RNF157: variants seen among roughly 807,000 people sequenced by gnomAD.
The protein encoded by RNF157 is ring finger protein 157.
A neutral mutation model predicts 88.3 loss-of-function variants in RNF157; 55 were observed. That is an observed-to-expected ratio of 0.62 (90% CI 0.50 to 0.78). RNF157 has a LOEUF of 0.78. RNF157 is among the 30% of genes least tolerant of loss of function. The pLI is 0.00. For missense variants in RNF157, 788 were observed against 860.8 expected, an observed-to-expected ratio of 0.92 and a Z score of 1.06; for synonymous variants, 334 against 341.2, an observed-to-expected ratio of 0.98 and a Z score of 0.23.
chr17:76,157,492 C>A lies in RNF157; in HGVS notation c.1413+901G>T, dbSNP rs1415009547. 6.6e-6 allele frequency among the ~76,000 whole-genome samples: 1 copy of A among 152,244 alleles called. No homozygotes were observed. Among genetic ancestry groups the A allele is most frequent in the African/African-American group, 2.4e-5 (1 of 41,470 alleles). ...CTCTTTCTCCATGTCTAAAAAACTTCCAGGTTTAGCTAAAATGCTATTCCT... is the reference window on the plus strand; with the variant it reads ...CTCTTTCTCCATGTCTAAAAAACTTACAGGTTTAGCTAAAATGCTATTCCT... On this transcript the variant is annotated intron_variant, in intron 13 of 18. Transcript: ENST00000269391. The surrounding 1 kb of genome is among the most constrained non-coding windows in gnomAD (Gnocchi z 5.6).
rs369954761 is a variant in RNF157 at position 76,159,302 on chromosome 17, C to T, written c.1304+33G>A. On this transcript the variant is annotated intron_variant, in intron 12 of 18. Transcript: ENST00000269391. ...GGATGAAGCATTTCATCAAGGATTC[C>T]GGGGGCAACAGTGTGGAGCACTGGC... 3.0e-4 allele frequency: 472 copies of T among 1,567,182 alleles called. 1 individual carries two copies. Among genetic ancestry groups the T allele is most frequent in the South Asian group, 1.5e-3 (139 of 89,790 alleles).
chr17:76,232,380 C>G (rs2070208468), intron 1 of RNF157, among the ~76,000 whole-genome samples: 1 of 151,494 alleles, frequency 6.6e-6, no homozygotes, highest in South Asian at 2.1e-4. Context: ...TAGAGCAAGA[C>G]TCTGTCTCTA....
At chr17:76,165,672 T>C in intron 6 of RNF157, 127 bp from the exon 7 acceptor site, 5 of 950,156 alleles carry the variant, frequency 5.3e-6, no homozygotes, top group Non-Finnish European at 6.7e-6. Flanking sequence ...GGGCACGTTA[T>C]ATAACCCATA....
At position 76,146,284 on chromosome 17, in the gene RNF157, C is replaced by G; in HGVS notation, c.1922-931G>C. ...TTTCTCACCCATCAGATGGGACATG[C>G]GTACTGACCTCACGGGCTTGCTGTG... On this transcript the variant is annotated intron_variant, in intron 18 of 18. Coordinates refer to ENST00000269391, the MANE Select transcript of RNF157 (RefSeq NM_052916.3). The surrounding 1 kb of genome is among the most constrained non-coding windows in gnomAD (Gnocchi z 4.2). 1.1e-6 allele frequency: 1 copy of G among 925,208 alleles called. No individual in the cohort carries two copies. Among genetic ancestry groups the G allele is most frequent in the Non-Finnish European group, 1.3e-6 (1 of 774,950 alleles). 57.3% of individuals were successfully genotyped at this position (925,208 alleles called of 1,614,324 possible).
rs903584104 is a variant in RNF157 at position 76,162,482 on chromosome 17, G to A, written c.792+70C>T. ...TCAGAGTTTGGCACGCTAAATTTCTGGACGCTGGCTTACGATTTCTCACTT... is the reference window on the plus strand; with the variant it reads ...TCAGAGTTTGGCACGCTAAATTTCTAGACGCTGGCTTACGATTTCTCACTT... On this transcript the variant is annotated intron_variant, in intron 9 of 18. Coordinates refer to ENST00000269391, the MANE Select transcript of RNF157 (RefSeq NM_052916.3). The A allele has an allele frequency of 1.1e-5, 13 of 1,174,682 alleles. No individual in the cohort carries two copies. The African/African-American group carries it at 1.5e-4, about 14-fold the overall frequency. 72.8% of individuals were successfully genotyped at this position (1,174,682 alleles called of 1,614,324 possible). A position where few individuals can be genotyped will look rare whatever the true frequency, so the allele number is the denominator to read the frequency against.
intron 2 of RNF157, among the ~76,000 whole-genome samples, chr17:76,191,575 T>G (rs2069385806): frequency 7.8e-6 from 1 of 127,398 alleles, no homozygotes; most frequent in Admixed American, 1.0e-4. Context: ...CACTCCAGCC[T>G]GGGCGACAGA....
At position 76,146,866 on chromosome 17, in the gene RNF157, A is replaced by G. The variant is rs1003697255; in HGVS notation, c.1922-1513T>C. Reference sequence around the variant, plus strand: ...CGTGAGGTTGAGAGAGGCCACTCACAAGTGTCCAGGGTCAGCCTCAGGCCA... The same window carrying G: ...CGTGAGGTTGAGAGAGGCCACTCACGAGTGTCCAGGGTCAGCCTCAGGCCA... On this transcript the variant is annotated intron_variant, in intron 18 of 18. Coordinates refer to ENST00000269391, the MANE Select transcript of RNF157 (RefSeq NM_052916.3). The surrounding 1 kb of genome is among the most constrained non-coding windows in gnomAD (Gnocchi z 4.2). 2 of 985,322 alleles carry G rather than the reference A, an allele frequency of 2.0e-6. No individual in the cohort carries two copies. Among genetic ancestry groups the G allele is most frequent in the Admixed American group, 1.2e-4 (2 of 16,272 alleles). 61.0% of individuals were successfully genotyped at this position (985,322 alleles called of 1,614,324 possible). A position where few individuals can be genotyped will look rare whatever the true frequency, so the allele number is the denominator to read the frequency against.
At chr17:76,194,762 T>C (rs1409723955) in intron 2 of RNF157, among the ~76,000 whole-genome samples, 1 of 152,096 alleles carries the variant, frequency 6.6e-6, no homozygotes, top group Non-Finnish European at 1.5e-5. Context: ...ACACCTGTAA[T>C]CCCAGCACTT....
chr17:76,218,813 A>T (rs775145061), intron 1 of RNF157, among the ~76,000 whole-genome samples: 1 of 152,122 alleles, frequency 6.6e-6, no homozygotes, highest in Non-Finnish European at 1.5e-5. Flanking sequence ...ATGTGTCTGT[A>T]GTCCCAGCTA....
At chr17:76,171,127 C>T (rs1009948563) in intron 3 of RNF157, among the ~76,000 whole-genome samples, 11 of 151,728 alleles carry the variant, frequency 7.2e-5, no homozygotes, top group Admixed American at 2.0e-4. Context: ...CTCCTGACCT[C>T]GTGATCCGCC....
chr17:76,155,526 C>T, intron 15 of RNF157, 36 bp downstream of exon 15: 1 of 1,601,512 alleles, frequency 6.2e-7, no homozygotes, highest in South Asian at 1.1e-5. Flanking sequence ...GCACAAAGAA[C>T]AGAGAAGCCA....
At chr17:76,175,687 G>C (rs535937060) in intron 2 of RNF157, 3 of 887,710 alleles carry the variant, frequency 3.4e-6, no homozygotes, top group Non-Finnish European at 4.0e-6. Flanking sequence ...TTTTTTTCTG[G>C]AGTAGCAAAG....
chr17:76,199,023 G>A (rs1432629803), intron 2 of RNF157, among the ~76,000 whole-genome samples: 4 of 152,140 alleles, frequency 2.6e-5, no homozygotes, highest in African/African-American at 9.7e-5. Context: ...GCATTTCATC[G>A]GTATTTCTAG....
At chr17:76,175,703 C>A (rs1253177016) in intron 2 of RNF157, 6 of 956,504 alleles carry the variant, frequency 6.3e-6, no homozygotes, top group African/African-American at 3.5e-5. Context: ...CAAAGTTAAT[C>A]ATTTTCATTT....
intron 1 of RNF157, among the ~76,000 whole-genome samples, chr17:76,233,543 TA>T (rs1298799982): frequency 6.6e-6 from 1 of 152,222 alleles, no homozygotes; most frequent in Non-Finnish European, 1.5e-5. Flanking sequence ...GATCCATTTT[TA>T]TTTTTTTATT....
chr17:76,218,676 G>A (rs981783595), intron 1 of RNF157, among the ~76,000 whole-genome samples: 1 of 151,970 alleles, frequency 6.6e-6, no homozygotes, highest in Non-Finnish European at 1.5e-5. Flanking sequence ...GCTCACACCT[G>A]TAATCCCAGC....
At chr17:76,209,124 T>C (rs1479877250) in intron 2 of RNF157, among the ~76,000 whole-genome samples, 1 of 152,086 alleles carries the variant, frequency 6.6e-6, no homozygotes, top group African/African-American at 2.4e-5. Context: ...GGTCTTGCTA[T>C]ATTGCTCAAA....
At chr17:76,188,183 TG>T (rs1187252751) in intron 2 of RNF157, among the ~76,000 whole-genome samples, 2 of 152,220 alleles carry the variant, frequency 1.3e-5, no homozygotes, top group Non-Finnish European at 2.9e-5. Context: ...AGGTTCTAGA[TG>T]GTGAACACCC....
In RNF157 at chr17:76,161,075, G is replaced by A. The variant is rs1166653661; in HGVS notation, c.1065+460C>T. Among the ~76,000 whole-genome samples the A allele has an allele frequency of 6.6e-6, 1 of 152,146 alleles. No homozygotes were observed. The highest frequency in any genetic ancestry group is 1.5e-5 in the Non-Finnish European group (1 of 68,014). On this transcript the variant is annotated intron_variant, in intron 11 of 18. Transcript: ENST00000269391. This position sits in a 1 kb window ranked among gnomAD's most constrained non-coding sequence, Gnocchi z 4.6. ...CTGCTCTCTAACTGCAAAGCTTTGAGGTTTCACCCTAATATCAGCACTTAC... is the reference window on the plus strand; with the variant it reads ...CTGCTCTCTAACTGCAAAGCTTTGAAGTTTCACCCTAATATCAGCACTTAC...
Sources: allele counts gnomAD v4.1 joint callset (sites outside exome capture counted in the v4.1 genomes callset), GRCh38; gene constraint gnomAD v4.1.1; non-coding constraint Gnocchi (gnomAD v3.1); transcripts MANE v1.5; gene names NCBI Gene and HGNC (gene_info 2026-07-23, HGNC 2026-07-21).